Variants in INPP4B observed in about 807,000 individuals in gnomAD.
INPP4B encodes inositol polyphosphate 4-phosphatase type II.
INPP4B carries 55 observed loss-of-function variants against 122.5 expected under a neutral mutation model. The observed-to-expected ratio is 0.45, with a 90% CI of 0.36 to 0.56. INPP4B has a LOEUF of 0.56. Ranked by LOEUF, INPP4B falls within the 20% of genes least tolerant of loss-of-function variation. The pLI is 0.00. For synonymous variants in INPP4B, 403 were observed against 388.7 expected (o/e 1.04, Z -0.43); for missense variants, 1,000 against 1,097.7 (o/e 0.91, Z 1.26).
intron 7 of INPP4B, among the ~76,000 whole-genome samples, chr4:142,392,291 C>T (rs1362151851): frequency 6.6e-6 from 1 of 152,174 alleles, no homozygotes; most frequent in Non-Finnish European, 1.5e-5. Flanking sequence ...ATAAAGACTT[C>T]TACTATCTTA....
At chr4:142,257,725 A>G (rs1267009846) in intron 11 of INPP4B, among the ~76,000 whole-genome samples, 1 of 152,228 alleles carries the variant, frequency 6.6e-6, no homozygotes, top group Non-Finnish European at 1.5e-5. Context: ...CAAATAGAAC[A>G]TTCTATGCTC....
At chr4:142,664,526 A>C (rs955395289) in intron 2 of INPP4B, among the ~76,000 whole-genome samples, 1 of 152,142 alleles carries the variant, frequency 6.6e-6, no homozygotes, top group African/African-American at 2.4e-5. Context: ...AATCAGGTTT[A>C]CGTCACTTCC....
chr4:142,288,189 T>A (rs1327255795), intron 9 of INPP4B, among the ~76,000 whole-genome samples: 1 of 152,220 alleles, frequency 6.6e-6, no homozygotes, highest in Non-Finnish European at 1.5e-5. Flanking sequence ...ACCTTACAAA[T>A]TGCCAGAATA....
intron 1 of INPP4B, among the ~76,000 whole-genome samples, chr4:142,781,774 A>G (rs948841910): frequency 1.3e-5 from 2 of 152,142 alleles, no homozygotes; most frequent in Non-Finnish European, 2.9e-5. Flanking sequence ...AATATTAAAC[A>G]TATAGAATAT....
chr4:142,449,269 G>C (rs1196997268), intron 3 of INPP4B, among the ~76,000 whole-genome samples: 2 of 152,116 alleles, frequency 1.3e-5, no homozygotes, highest in African/African-American at 4.8e-5. Context: ...AAGACCCATG[G>C]ATCTAGCAAG....
At chr4:142,264,416 C>T (rs1301992653) in intron 10 of INPP4B, among the ~76,000 whole-genome samples, 1 of 152,128 alleles carries the variant, frequency 6.6e-6, no homozygotes, top group Non-Finnish European at 1.5e-5. Flanking sequence ...ATACATAATG[C>T]AACATTCATC....
Position 142,028,098 on chromosome 4 carries a change from G to T in INPP4B, c.*684C>A. On this transcript the variant is annotated 3_prime_UTR_variant, in exon 26 of 26. Coordinates refer to ENST00000262992, the MANE Select transcript of INPP4B (RefSeq NM_001101669.3). The stretch of plus-strand genomic sequence containing the variant: ...AACGTTCTATATTGCTACATTCACA[G>T]CTAGATCACACAACCCAAGTCAGAG... 4.4e-6 allele frequency: 1 copy of T among 228,166 alleles called. No homozygotes were observed. 14.1% of individuals were successfully genotyped at this position (228,166 alleles called of 1,614,324 possible).
chr4:142,595,571 T>C (rs900198136), intron 2 of INPP4B, among the ~76,000 whole-genome samples: 2 of 152,228 alleles, frequency 1.3e-5, no homozygotes, highest in East Asian at 3.9e-4. Flanking sequence ...CAAAAATTGG[T>C]TTTTTTGAGA....
At chr4:142,710,571 A>G (rs1370036083) in intron 2 of INPP4B, among the ~76,000 whole-genome samples, 1 of 152,210 alleles carries the variant, frequency 6.6e-6, no homozygotes. Flanking sequence ...CTGCACATAT[A>G]AAAAGTAGTT....
At chr4:142,658,658 G>T (rs528547579) in intron 2 of INPP4B, among the ~76,000 whole-genome samples, 1 of 152,320 alleles carries the variant, frequency 6.6e-6, no homozygotes, top group African/African-American at 2.4e-5. Context: ...GCAGCAGGAT[G>T]CAATTGGAAG....
At chr4:142,180,902 T>C (rs1830489418) in intron 15 of INPP4B, among the ~76,000 whole-genome samples, 1 of 152,074 alleles carries the variant, frequency 6.6e-6, no homozygotes, top group South Asian at 2.1e-4. Context: ...GTAACACAAA[T>C]TAAAGAATTT....
At chr4:142,263,950 G>A (rs1176893475) in intron 10 of INPP4B, among the ~76,000 whole-genome samples, 6 of 151,830 alleles carry the variant, frequency 4.0e-5, no homozygotes, top group Middle Eastern at 3.2e-3. Flanking sequence ...CAATGTGACT[G>A]GACTGTAGTG....
chr4:142,554,327 T>A (rs1580355606), intron 2 of INPP4B, among the ~76,000 whole-genome samples: 1 of 128,804 alleles, frequency 7.8e-6, no homozygotes, highest in African/African-American at 3.0e-5. Flanking sequence ...CTCCACCAAC[T>A]CCATAGTCCA....
intron 1 of INPP4B, among the ~76,000 whole-genome samples, chr4:142,734,453 T>C (rs191834784): frequency 7.6e-4 from 115 of 152,092 alleles, no homozygotes; most frequent in African/African-American, 2.7e-3. Flanking sequence ...ATGAGGAGAG[T>C]CTCTGGTGTG....
At chr4:142,365,384 G>A (rs1361680516) in intron 7 of INPP4B, among the ~76,000 whole-genome samples, 1 of 152,078 alleles carries the variant, frequency 6.6e-6, no homozygotes, top group African/African-American at 2.4e-5. Context: ...AGTGAAAGAA[G>A]AATATTATTT....
intron 2 of INPP4B, among the ~76,000 whole-genome samples, chr4:142,482,744 T>G (rs1426779686): frequency 1.3e-5 from 2 of 152,112 alleles, no homozygotes; most frequent in Non-Finnish European, 2.9e-5. Context: ...TTTCCTGACC[T>G]TTTTGACTTG....
chr4:142,263,639 AATATATATATATATATATATATATAT>A (rs36227189), intron 10 of INPP4B, among the ~76,000 whole-genome samples: 23 of 41,838 alleles, frequency 5.5e-4, no homozygotes, highest in South Asian at 4.3e-3. Context: ...AAATTCGTAA[AATATATATATATATATATATATATAT>A]ATATATATAT....
At chr4:142,302,859 G>A (rs1337545486) in intron 9 of INPP4B, among the ~76,000 whole-genome samples, 1 of 152,098 alleles carries the variant, frequency 6.6e-6, no homozygotes, top group Non-Finnish European at 1.5e-5. Context: ...CAGAGTGGAT[G>A]TAATATAAAG....
intron 9 of INPP4B, among the ~76,000 whole-genome samples, chr4:142,300,830 TG>T (rs1561794342): frequency 6.6e-6 from 1 of 152,172 alleles, no homozygotes; most frequent in Non-Finnish European, 1.5e-5. Flanking sequence ...ACTGTAAATG[TG>T]GTAGAAGTAA....
Sources: gnomAD v4.1 joint callset for allele counts (sites outside exome capture counted in the v4.1 genomes callset) on GRCh38, gnomAD v4.1.1 for gene constraint, MANE v1.5 for transcripts, NCBI Gene and HGNC (gene_info 2026-07-23, HGNC 2026-07-21) for gene names.